COL19A1: variants seen among roughly 807,000 people sequenced by gnomAD.
COL19A1 encodes the protein collagen type XIX alpha 1 chain, also known as collagen alpha-1(XIX) chain.
In COL19A1, 159 loss-of-function variants were observed where a neutral mutation model predicts 190.2. The ratio of observed to expected loss-of-function variants is 0.84; its 90% CI spans 0.73 to 0.95. The LOEUF (loss-of-function observed/expected upper bound fraction) is 0.95. Among genes scored for constraint, COL19A1 ranks in the 40% least tolerant of loss-of-function variants. The probability of loss-of-function intolerance (pLI) is 0.00; values close to 1 mark genes in which losing one functional copy is unlikely to be tolerated. For missense variants in COL19A1, 1,418 were observed against 1,431.9 expected (o/e 0.99, Z 0.16); for synonymous variants, 509 against 458.9 (o/e 1.11, Z -1.39).
At chr6:69,987,969 A>T (rs987327766) in intron 11 of COL19A1, among the ~76,000 whole-genome samples, 3 of 152,224 alleles carry the variant, frequency 2.0e-5, no homozygotes, top group Non-Finnish European at 4.4e-5. Flanking sequence ...CATGTAAGAA[A>T]GATAATTATT....
chr6:69,953,906 A>G (rs1315318764), intron 9 of COL19A1, among the ~76,000 whole-genome samples: 1 of 152,050 alleles, frequency 6.6e-6, no homozygotes, highest in Non-Finnish European at 1.5e-5. Flanking sequence ...CTTGGTGTAG[A>G]TACTGAACAG....
At chr6:69,966,831 T>A (rs1775141531) in intron 11 of COL19A1, among the ~76,000 whole-genome samples, 1 of 151,730 alleles carries the variant, frequency 6.6e-6, no homozygotes, top group Admixed American at 6.6e-5. Flanking sequence ...ATTCACGTGC[T>A]CTTCACTCCT....
chr6:69,995,540 C>G (rs1776856701), intron 11 of COL19A1, among the ~76,000 whole-genome samples: 1 of 148,412 alleles, frequency 6.7e-6, no homozygotes, highest in East Asian at 1.9e-4. Flanking sequence ...TTTTTTTTAC[C>G]AAAAGCATGC....
chr6:70,127,821 T>C (rs1212504416), intron 17 of COL19A1, among the ~76,000 whole-genome samples: 1 of 152,066 alleles, frequency 6.6e-6, no homozygotes, highest in Non-Finnish European at 1.5e-5. Flanking sequence ...TCCCACTGGG[T>C]CCCTCCCACA....
At chr6:70,041,962 G>A (rs1339486321) in intron 14 of COL19A1, among the ~76,000 whole-genome samples, 1 of 152,150 alleles carries the variant, frequency 6.6e-6, no homozygotes, top group Admixed American at 6.5e-5. Context: ...CAGCTACTCA[G>A]GGAGGCTAAG....
At chr6:70,010,108 A>G (rs1777895425) in intron 11 of COL19A1, among the ~76,000 whole-genome samples, 1 of 152,202 alleles carries the variant, frequency 6.6e-6, no homozygotes, top group African/African-American at 2.4e-5. Context: ...TCTTTGAAAG[A>G]CACTGCCAGG....
At chr6:69,888,572 C>T (rs1351333092) in intron 2 of COL19A1, among the ~76,000 whole-genome samples, 4 of 151,894 alleles carry the variant, frequency 2.6e-5, no homozygotes, top group Non-Finnish European at 4.4e-5. Context: ...GGGCAGATTG[C>T]CTGAGGGTCA....
intron 4 of COL19A1, among the ~76,000 whole-genome samples, chr6:69,922,160 A>C (rs1216412998): frequency 1.3e-5 from 2 of 152,008 alleles, no homozygotes; most frequent in South Asian, 4.1e-4. Context: ...TTTTATTTTT[A>C]AAATGCAGAA....
In COL19A1 at chr6:70,010,579, G is replaced by A. The variant is rs527293989; in HGVS notation, c.1027-13048G>A. The stretch of plus-strand genomic sequence containing the variant: ...CAAGGGGTCAGGGAGTTCCCTTTCC[G>A]AGTCAAAGAAAGGGGTGACGGACGC... On this transcript the variant is annotated intron_variant, in intron 11 of 50. Coordinates refer to ENST00000620364, the MANE Select transcript of COL19A1 (RefSeq NM_001858.6). Among the ~76,000 whole-genome samples the A allele has an allele frequency of 7.8e-5, 11 of 141,464 alleles. 1 individual carries two copies. Among genetic ancestry groups the A allele is most frequent in the Middle Eastern group, 3.5e-3 (1 of 288 alleles). The allele number at this position is 141,464 out of a possible 152,430, so 92.8% of individuals were successfully genotyped here.
intron 44 of COL19A1, among the ~76,000 whole-genome samples, chr6:70,181,284 T>C: frequency 6.6e-6 from 1 of 152,186 alleles, no homozygotes; most frequent in Non-Finnish European, 1.5e-5. Flanking sequence ...CCTTCAGGGT[T>C]GGTGGCCACC....
intron 15 of COL19A1, among the ~76,000 whole-genome samples, chr6:70,074,900 A>C (rs1462458984): frequency 6.8e-6 from 1 of 147,402 alleles, no homozygotes; most frequent in East Asian, 1.9e-4. Flanking sequence ...TAGCAAGAAA[A>C]AGTCAAAAAT....
intron 49 of COL19A1, among the ~76,000 whole-genome samples, chr6:70,204,599 C>G (rs1767752333): frequency 6.6e-6 from 1 of 152,170 alleles, no homozygotes; most frequent in African/African-American, 2.4e-5. Context: ...GAAATGCATG[C>G]AGAATAATAT....
At chr6:69,937,679 G>C (rs1455726077) in intron 8 of COL19A1, among the ~76,000 whole-genome samples, 1 of 152,132 alleles carries the variant, frequency 6.6e-6, no homozygotes, top group Admixed American at 6.6e-5. Context: ...AGCCAGATGG[G>C]GATGGGGTGA....
intron 14 of COL19A1, among the ~76,000 whole-genome samples, chr6:70,060,361 C>T (rs912457279): frequency 6.6e-6 from 1 of 152,096 alleles, no homozygotes; most frequent in South Asian, 2.1e-4. Context: ...AAAAAATGAG[C>T]CTGTATCCTC....
chr6:70,180,240 TG>T, intron 42 of COL19A1, 71 bp from the exon 43 acceptor site: 3 of 1,555,854 alleles, frequency 1.9e-6, no homozygotes, highest in Non-Finnish European at 1.8e-6. Flanking sequence ...CAATTGGGGT[TG>T]GGGGAAGAGA....
rs112596596 is a variant in COL19A1 at position 69,929,527 on chromosome 6, C to G, written c.493C>G (p.Pro165Ala). ...NYIFRNRELR[P>A]LFDRQWHKLG... The stretch of plus-strand genomic sequence containing the variant: ...CATTTTTAGAAATCGAGAACTCCGT[C>G]CTTTGTTTGATCGTCAGTGGCACAA... The change falls in exon 6 of 51, where the codon CCT (proline) becomes GCT (alanine). Residue 165 changes from proline to alanine, a missense_variant. By Grantham distance (27) the Pro-to-Ala change is conservative. Transcript: ENST00000620364. 660 of 1,614,056 alleles carry G rather than the reference C, an allele frequency of 4.1e-4. 8 individuals carry two copies. In the African/African-American group the frequency reaches 7.4e-3, roughly 18 times the overall value.
chr6:69,970,796 A>G (rs956123671), intron 11 of COL19A1, among the ~76,000 whole-genome samples: 14 of 152,198 alleles, frequency 9.2e-5, no homozygotes, highest in African/African-American at 2.9e-4. Flanking sequence ...GGAAGGACTT[A>G]CTTGTTTGAT....
chr6:69,912,929 T>C (rs1457146806), intron 4 of COL19A1, among the ~76,000 whole-genome samples: 1 of 151,820 alleles, frequency 6.6e-6, no homozygotes, highest in Non-Finnish European at 1.5e-5. Context: ...CTCTACAAAA[T>C]ACAAAAAAGT....
At chr6:69,935,340 A>G (rs1401714478) in intron 7 of COL19A1, among the ~76,000 whole-genome samples, 1 of 147,118 alleles carries the variant, frequency 6.8e-6, no homozygotes, top group African/African-American at 2.7e-5. Flanking sequence ...AGCCTGAGAC[A>G]TACTTTTAAA....
Sources: allele counts gnomAD v4.1 joint callset (sites outside exome capture counted in the v4.1 genomes callset), GRCh38; gene constraint gnomAD v4.1.1; transcripts MANE v1.5; gene names NCBI Gene and HGNC (gene_info 2026-07-23, HGNC 2026-07-21).